The following BMS1 variants were observed in gnomAD, a reference collection of about 807,000 sequenced individuals.
BMS1 encodes the protein BMS1 ribosome biogenesis factor.
In BMS1, 53 loss-of-function variants were observed where a neutral mutation model predicts 138.7. That is an observed-to-expected ratio of 0.38 (90% CI 0.31 to 0.48). The LOEUF is 0.48. BMS1 is among the 20% of genes least tolerant of loss of function. The probability of loss-of-function intolerance (pLI) is 0.97; values close to 1 mark genes in which losing one functional copy is unlikely to be tolerated. For synonymous variants in BMS1, 504 were observed against 539.9 expected, an observed-to-expected ratio of 0.93 and a Z score of 0.92; for missense variants, 1,360 against 1,565.5, an observed-to-expected ratio of 0.87 and a Z score of 2.22.
At chr10:42,808,656 T>G (rs1012681039) in intron 13 of BMS1, among the ~76,000 whole-genome samples, 13 of 152,314 alleles carry the variant, frequency 8.5e-5, no homozygotes, top group African/African-American at 3.1e-4. Context: ...ATTTTTTGTT[T>G]TCTCTTTACA....
At chr10:42,813,464 C>T (rs748570088) in intron 13 of BMS1, among the ~76,000 whole-genome samples, 11 of 152,200 alleles carry the variant, frequency 7.2e-5, no homozygotes, top group Non-Finnish European at 1.6e-4. Flanking sequence ...ATATAGTAGT[C>T]TACTGGTACC....
At chr10:42,805,828 C>A (rs1455224895) in intron 13 of BMS1, among the ~76,000 whole-genome samples, 1 of 152,040 alleles carries the variant, frequency 6.6e-6, no homozygotes, top group Non-Finnish European at 1.5e-5. Context: ...GAGACAGAGT[C>A]TCGCTCTGTC....
At chr10:42,811,014 A>G (rs542002637) in intron 13 of BMS1, among the ~76,000 whole-genome samples, 7 of 151,484 alleles carry the variant, frequency 4.6e-5, no homozygotes, top group South Asian at 2.1e-4. Context: ...TCTGCTTTCA[A>G]TGTTATTGAT....
intron 13 of BMS1, among the ~76,000 whole-genome samples, chr10:42,815,217 T>C (rs1272182350): frequency 6.6e-6 from 1 of 152,188 alleles, no homozygotes. Flanking sequence ...CATTATTCAG[T>C]AGATAATATT....
intron 21 of BMS1, among the ~76,000 whole-genome samples, chr10:42,825,853 G>A (rs932292948): frequency 6.6e-6 from 1 of 152,096 alleles, no homozygotes; most frequent in Non-Finnish European, 1.5e-5. Context: ...TTCAATCTTA[G>A]TGGAAAAGCT....
At chr10:42,799,625 A>C (rs1047214408) in intron 12 of BMS1, among the ~76,000 whole-genome samples, 1 of 152,192 alleles carries the variant, frequency 6.6e-6, no homozygotes, top group Admixed American at 6.5e-5. Context: ...ACGTAAAAAC[A>C]ATTGTTCAGC....
chr10:42,824,605 A>T (rs2132388113), intron 21 of BMS1, among the ~76,000 whole-genome samples: 1 of 152,130 alleles, frequency 6.6e-6, no homozygotes, highest in South Asian at 2.1e-4. Flanking sequence ...TAGGAGTTTT[A>T]TGGTTTCAGG....
chr10:42,784,590 G>A lies in BMS1; in HGVS notation c.176+20G>A, dbSNP rs1168662338. On this transcript the variant is annotated intron_variant, in intron 2 of 22. Transcript: ENST00000374518. ...TCACAGGTATGTTAGGCTACGGTCT[G>A]GTCATTCTTCCATTGATTCTTTTTT... 6.4e-7 allele frequency: 1 copy of A among 1,563,536 alleles called. No individual in the cohort carries two copies. The highest frequency in any genetic ancestry group is 8.6e-7 in the Non-Finnish European group (1 of 1,162,390).
In BMS1 at chr10:42,784,454, G is replaced by T. The variant is rs375348243; in HGVS notation, c.60G>T (p.Lys20Asn). The change falls in exon 2 of 23, where the codon AAG becomes AAT. Residue 20 changes from lysine (K) to asparagine (N), a missense_variant. By Grantham distance (94) the Lys-to-Asn change is moderately conservative (BLOSUM62 0). Coordinates refer to ENST00000374518, the MANE Select transcript of BMS1 (RefSeq NM_014753.4). ...AAAACAGTGGACCCAAAGCTGCAAA[G>T]AAAAAGAAGCGGCTTCTGCAGGATC... ...RKKNSGPKAA[K>N]KKKRLLQDLQ... 3.7e-6 allele frequency: 6 copies of T among 1,613,544 alleles called. No homozygotes were observed. In the African/African-American group the frequency reaches 8.0e-5, roughly 22 times the overall value.
chr10:42,826,162 A>G (rs1229963902), intron 21 of BMS1, among the ~76,000 whole-genome samples: 1 of 151,074 alleles, frequency 6.6e-6, no homozygotes, highest in Non-Finnish European at 1.5e-5. Flanking sequence ...GTTGAATTCT[A>G]TTTGCTAAAA....
intron 15 of BMS1, 58 bp downstream of exon 15, chr10:42,817,552 C>A: frequency 3.3e-6 from 5 of 1,521,540 alleles, no homozygotes; most frequent in Non-Finnish European, 4.4e-6. Context: ...GCGCAGGAAT[C>A]CCTGACTTTG....
intron 13 of BMS1, among the ~76,000 whole-genome samples, chr10:42,816,109 G>A (rs1365567863): frequency 6.6e-6 from 1 of 152,092 alleles, no homozygotes. Context: ...AGACCAGCCT[G>A]GCCAATTGGT....
intron 21 of BMS1, among the ~76,000 whole-genome samples, chr10:42,829,897 T>G (rs1203825256): frequency 6.6e-6 from 1 of 152,186 alleles, no homozygotes; most frequent in Non-Finnish European, 1.5e-5. Context: ...TTTTTGTTAG[T>G]CTGGGAAATA....
chr10:42,792,752 A>G, intron 7 of BMS1, 138 bp downstream of exon 7: 1 of 1,378,724 alleles, frequency 7.3e-7, no homozygotes, highest in Non-Finnish European at 9.8e-7. Context: ...ACCTATGTGT[A>G]GGCCTGCAAA....
rs1841695996 is a variant in BMS1, at chr10:42,796,703, A to C, written c.1459A>C (p.Lys487Gln). 6.2e-7 allele frequency: 1 copy of C among 1,614,082 alleles called. No individual in the cohort carries two copies. Among genetic ancestry groups the C allele is most frequent in the Non-Finnish European group, 8.5e-7 (1 of 1,180,036 alleles). ...GGCTGTTAAGGGCATCAAACGACGG[A>C]AACTTGAGTTGGAAGAAGACAGTGA... ...YMAVKGIKRR[K>Q]LELEEDSEMD... Residue 487 changes from lysine (K) to glutamine (Q), a missense_variant, in exon 10 of 23, where the codon AAA (lysine) becomes CAA (glutamine). By Grantham distance (53) the Lys-to-Gln change is moderately conservative (BLOSUM62 1). Transcript: ENST00000374518.
chr10:42,786,030 C>G (rs1054296811), intron 3 of BMS1, among the ~76,000 whole-genome samples: 41 of 152,182 alleles, frequency 2.7e-4, no homozygotes, highest in African/African-American at 9.2e-4. Context: ...TGATGCTTTC[C>G]TTTTCTTCCT....
chr10:42,799,073 C>T (rs1307440485), intron 12 of BMS1, among the ~76,000 whole-genome samples: 1 of 152,204 alleles, frequency 6.6e-6, no homozygotes, highest in Non-Finnish European at 1.5e-5. Flanking sequence ...TACTCAAACT[C>T]ACCACAGCTT....
chr10:42,791,545 T>A, intron 5 of BMS1, 82 bp from the exon 6 acceptor site: 1 of 1,352,724 alleles, frequency 7.4e-7, no homozygotes, highest in Non-Finnish European at 9.9e-7. Context: ...TAGGATTGCT[T>A]CTTGTTTAGA....
intron 21 of BMS1, among the ~76,000 whole-genome samples, chr10:42,825,299 G>A (rs61844830): frequency 0.092 from 13,999 of 152,204 alleles, 756 homozygotes; most frequent in African/African-American, 0.12. Context: ...GAGCCACTGC[G>A]CCTGGCCAGG....
Sources: gnomAD v4.1 joint callset for allele counts (sites outside exome capture counted in the v4.1 genomes callset) on GRCh38, gnomAD v4.1.1 for gene constraint, MANE v1.5 for transcripts, NCBI Gene and HGNC (gene_info 2026-07-23, HGNC 2026-07-21) for gene names.